UGT1A10: variants seen among roughly 807,000 people sequenced by gnomAD.
UGT1A10 encodes UDP-glucuronosyltransferase 1A10.
In UGT1A10, 49 loss-of-function variants were observed where a neutral mutation model predicts 45.8. The ratio of observed to expected loss-of-function variants is 1.07; its 90% CI spans 0.85 to 1.36. UGT1A10 has a LOEUF of 1.36. Among genes scored for constraint, UGT1A10 ranks in the 40% most tolerant of loss-of-function variants. The pLI is 0.00. For synonymous variants in UGT1A10, 284 were observed against 249.7 expected (o/e 1.14, Z -1.29); for missense variants, 745 against 668.6 (o/e 1.11, Z -1.26).
At chr2:233,663,265 T>G (rs1251601323) in intron 1 of UGT1A10, among the ~76,000 whole-genome samples, 1 of 152,182 alleles carries the variant, frequency 6.6e-6, no homozygotes, top group Admixed American at 6.5e-5. Flanking sequence ...GAACTAGCCG[T>G]GTGGTAGACC....
At chr2:233,761,290 C>T in intron 1 of UGT1A10, 1 of 1,537,354 alleles carries the variant, frequency 6.5e-7, no homozygotes, top group Non-Finnish European at 8.8e-7. Context: ...TTTTTGACTC[C>T]TAGGTTTGAG....
intron 1 of UGT1A10, among the ~76,000 whole-genome samples, chr2:233,704,417 A>G (rs2075786654): frequency 1.3e-5 from 2 of 151,970 alleles, no homozygotes; most frequent in Admixed American, 6.6e-5. Context: ...ATTTATACCA[A>G]CTTAATTCCA....
intron 1 of UGT1A10, chr2:233,754,496 G>T: frequency 2.8e-6 from 1 of 356,968 alleles, no homozygotes; most frequent in South Asian, 2.1e-5. Flanking sequence ...CCTAAAAAAA[G>T]TCCGCTATTC....
chr2:233,668,207 A>G (rs1466541620), intron 1 of UGT1A10, among the ~76,000 whole-genome samples: 1 of 150,396 alleles, frequency 6.6e-6, no homozygotes, highest in Admixed American at 6.6e-5. Context: ...CCTCCCCCAT[A>G]CCCCCACCTC....
At chr2:233,758,753 G>A (rs1048074282) in intron 1 of UGT1A10, among the ~76,000 whole-genome samples, 17 of 152,318 alleles carry the variant, frequency 1.1e-4, no homozygotes, top group Middle Eastern at 6.8e-3. Flanking sequence ...GCTGGCCAGT[G>A]ATGTGTATGG....
At chr2:233,652,393 T>C (rs533994683) in intron 1 of UGT1A10, among the ~76,000 whole-genome samples, 1 of 152,342 alleles carries the variant, frequency 6.6e-6, no homozygotes, top group Non-Finnish European at 1.5e-5. Flanking sequence ...TATCTGCTCT[T>C]TTGTTCTTTT....
Position 233,744,327 on chromosome 2 carries a change from G to GAC in UGT1A10, c.856-22707_856-22706insAC, listed in dbSNP as rs1692775821. Among the ~76,000 whole-genome samples, 2 of 151,850 alleles carry GAC rather than the reference G, an allele frequency of 1.3e-5. 1 individual carries two copies. The highest frequency in any genetic ancestry group is 4.9e-5 in the African/African-American group (2 of 41,110). ...GGAGGGAAGAGGGTGGTGGGAGTGA[G>GAC]TTTAGTCTGACTGGGGCTGAAGACA... On this transcript the variant is annotated intron_variant, in intron 1 of 4. Transcript: ENST00000344644.
chr2:233,717,520 C>A (rs1221437442), intron 1 of UGT1A10, among the ~76,000 whole-genome samples: 1 of 152,224 alleles, frequency 6.6e-6, no homozygotes, highest in Non-Finnish European at 1.5e-5. Flanking sequence ...GGAGTAACTT[C>A]CTCCATAAGG....
intron 1 of UGT1A10, chr2:233,754,963 A>G: frequency 7.6e-7 from 1 of 1,309,276 alleles, no homozygotes; most frequent in Non-Finnish European, 1.0e-6. Flanking sequence ...CCGCCAAAGA[A>G]CTCCCTGAAG....
At chr2:233,741,540 A>G (rs1267633349) in intron 1 of UGT1A10, 14 of 152,000 alleles carry the variant, frequency 9.2e-5, no homozygotes. Context: ...TTATTCTGAT[A>G]CTTCTTTTAT....
At position 233,724,792 on chromosome 2, in the gene UGT1A10, G is replaced by C. The variant is rs992945436; in HGVS notation, c.856-42242G>C. ...CAGAGACACTCCTCACTTCCCAGAC[G>C]GGGTGGCGGCCGGGCAGAGGCTGCA... On this transcript the variant is annotated intron_variant, in intron 1 of 4. Coordinates refer to ENST00000344644, the MANE Select transcript of UGT1A10 (RefSeq NM_019075.4). Among the ~76,000 whole-genome samples, 142 of 140,766 alleles carry C rather than the reference G, an allele frequency of 1.0e-3. 5 individuals are homozygous for C. Among genetic ancestry groups the C allele is most frequent in the African/African-American group, 3.7e-3 (136 of 36,304 alleles). 92.3% of individuals were successfully genotyped at this position (140,766 alleles called of 152,430 possible).
chr2:233,738,486 T>C (rs1260702507), intron 1 of UGT1A10, among the ~76,000 whole-genome samples: 1 of 152,220 alleles, frequency 6.6e-6, no homozygotes, highest in Non-Finnish European at 1.5e-5. Flanking sequence ...GGAGACTTGT[T>C]GAACGGTTTT....
At chr2:233,763,651 C>T (rs1168041564) in intron 1 of UGT1A10, among the ~76,000 whole-genome samples, 2 of 152,174 alleles carry the variant, frequency 1.3e-5, no homozygotes, top group Non-Finnish European at 2.9e-5. Context: ...TCTCAATACT[C>T]TTGATAAAAC....
At chr2:233,672,134 G>A in intron 1 of UGT1A10, 6 of 1,614,198 alleles carry the variant, frequency 3.7e-6, no homozygotes, top group Non-Finnish European at 5.1e-6. Context: ...TGGCAACTGG[G>A]AAGATCACTG....
intron 1 of UGT1A10, among the ~76,000 whole-genome samples, chr2:233,762,802 C>G (rs762572552): frequency 4.6e-5 from 7 of 151,304 alleles, no homozygotes; most frequent in Non-Finnish European, 1.0e-4. Context: ...ACTCAGCTAT[C>G]TCATCAAAAT....
intron 1 of UGT1A10, chr2:233,754,871 T>A: frequency 1.5e-6 from 2 of 1,352,992 alleles, no homozygotes; most frequent in African/African-American, 1.5e-5. Context: ...ACCCTCTGCT[T>A]CTGCTTCCCA....
At chr2:233,764,324 A>C (rs1432372938) in intron 1 of UGT1A10, among the ~76,000 whole-genome samples, 1 of 152,154 alleles carries the variant, frequency 6.6e-6, no homozygotes, top group Non-Finnish European at 1.5e-5. Context: ...AGCTTTGCCA[A>C]GTAGGGGATG....
rs746903739 is a variant in UGT1A10, at chr2:233,637,345, A to G, written c.823A>G (p.Ile275Val). ...GCCCAACATGATCTTCATTGGTGGT[A>G]TCAACTGTCATCAGGGAAAGCCATT... ...VMPNMIFIGGINCHQGKPLPM... is the reference protein window; with the variant it reads ...VMPNMIFIGGVNCHQGKPLPM... Residue 275 changes from isoleucine (I) to valine (V), a missense_variant, in exon 1 of 5, where the codon ATC becomes GTC. Ile to Val is a conservative substitution (Grantham distance 29). Transcript: ENST00000344644. The G allele has an allele frequency of 1.2e-6, 2 of 1,613,818 alleles. No individual in the cohort carries two copies. The highest frequency in any genetic ancestry group is 3.3e-5 in the Admixed American group (2 of 60,022).
chr2:233,652,299 C>T (rs192807961), intron 1 of UGT1A10, among the ~76,000 whole-genome samples: 19 of 152,298 alleles, frequency 1.2e-4, no homozygotes, highest in African/African-American at 4.1e-4. Context: ...AAATGTATAG[C>T]AAGGAGAGAC....
Sources: allele counts gnomAD v4.1 joint callset (sites outside exome capture counted in the v4.1 genomes callset), GRCh38; gene constraint gnomAD v4.1.1; transcripts MANE v1.5; gene names NCBI Gene and HGNC (gene_info 2026-07-23, HGNC 2026-07-21).